The following PCDH11X variants were observed in gnomAD, a reference collection of about 807,000 sequenced individuals.
The protein encoded by PCDH11X is protocadherin-11 X-linked.
In PCDH11X, 18 loss-of-function variants were observed where a neutral mutation model predicts 53.3. The ratio of observed to expected loss-of-function variants is 0.34; its 90% CI spans 0.23 to 0.50. The LOEUF is 0.50. Ranked by LOEUF, PCDH11X falls within the 20% of genes least tolerant of loss-of-function variation. The pLI, the probability that PCDH11X is intolerant of heterozygous loss-of-function variation, is 0.98. For missense variants in PCDH11X, 570 were observed against 1,032.4 expected, an observed-to-expected ratio of 0.55 and a Z score of 6.14; for synonymous variants, 279 against 393.3, an observed-to-expected ratio of 0.71 and a Z score of 3.44.
At chrX:92,419,275 C>CTTTTTTTTTTTTTTTTTT (rs200748988) in intron 9 of PCDH11X, among the ~76,000 whole-genome samples, 1 of 88,931 alleles carries the variant, frequency 1.1e-5, no homozygotes, top group African/African-American at 4.1e-5. Flanking sequence ...TTTTTTTGTT[C>CTTTTTTTTTTTTTTTTTT]TTTTTTTTTT....
intron 6 of PCDH11X, among the ~76,000 whole-genome samples, chrX:91,910,580 T>G (rs761813516): frequency 1.8e-5 from 2 of 110,805 alleles, no homozygotes; most frequent in South Asian, 7.6e-4. Context: ...GATTGGTTTG[T>G]TTTTAGGCCA....
intron 6 of PCDH11X, among the ~76,000 whole-genome samples, chrX:91,929,365 A>C (rs555318409): frequency 9.0e-6 from 1 of 110,664 alleles, no homozygotes; most frequent in South Asian, 3.8e-4. Flanking sequence ...ACTATGTGCC[A>C]GGTACTAGTC....
intron 8 of PCDH11X, among the ~76,000 whole-genome samples, chrX:92,294,389 C>T (rs2068564488): frequency 9.0e-6 from 1 of 111,702 alleles, no homozygotes; most frequent in Non-Finnish European, 1.9e-5. Context: ...GCGACCCACC[C>T]ATCTCAGCCT....
chrX:91,860,313 T>C (rs1187436727), intron 5 of PCDH11X, among the ~76,000 whole-genome samples: 1 of 106,453 alleles, frequency 9.4e-6, no homozygotes, highest in Non-Finnish European at 1.9e-5. Context: ...TCCACACTGA[T>C]TTTGTATCCT....
intron 6 of PCDH11X, among the ~76,000 whole-genome samples, chrX:92,091,611 A>G (rs1168804643): frequency 4.5e-5 from 5 of 111,141 alleles, no homozygotes; most frequent in Non-Finnish European, 9.4e-5. Flanking sequence ...TAAGAAATAC[A>G]TTGGCTTGGT....
intron 6 of PCDH11X, among the ~76,000 whole-genome samples, chrX:91,969,922 T>C (rs1462774873): frequency 9.0e-6 from 1 of 110,619 alleles, no homozygotes; most frequent in African/African-American, 3.3e-5. Flanking sequence ...GTGACTTGGG[T>C]AATTTATTGA....
chrX:92,005,506 C>A (rs145791726), intron 6 of PCDH11X, among the ~76,000 whole-genome samples: 1 of 111,578 alleles, frequency 9.0e-6, no homozygotes, highest in African/African-American at 3.2e-5. Context: ...CAACTTTGCT[C>A]CCCCACTTTT....
chrX:92,206,597 G>C (rs1201590291), intron 7 of PCDH11X, among the ~76,000 whole-genome samples: 1 of 110,685 alleles, frequency 9.0e-6, no homozygotes, highest in Non-Finnish European at 1.9e-5. Context: ...CACTGTCTCG[G>C]CTCACTGTAA....
At chrX:91,780,601 C>T in intron 1 of PCDH11X, among the ~76,000 whole-genome samples, 1 of 112,519 alleles carries the variant, frequency 8.9e-6, no homozygotes, top group Non-Finnish European at 1.9e-5. Flanking sequence ...AAGACAGAAC[C>T]CAGAAACAGT....
chrX:92,259,462 G>C (rs1039294028), intron 7 of PCDH11X, among the ~76,000 whole-genome samples: 4 of 110,948 alleles, frequency 3.6e-5, no homozygotes, highest in Non-Finnish European at 7.5e-5. Flanking sequence ...CCAAGAGAGA[G>C]GGGAAGTTGC....
chrX:92,208,536 T>TATATATATATATATATATATAC (rs1408059749), intron 7 of PCDH11X, among the ~76,000 whole-genome samples: 50 of 80,057 alleles, frequency 6.2e-4, no homozygotes, highest in African/African-American at 2.4e-3. Context: ...TATATATATA[T>TATATATATATATATATATATAC]ACAATTTTTT....
chrX:92,284,365 G>A lies in PCDH11X; in HGVS notation c.3144+21222G>A, dbSNP rs191418543. On this transcript the variant is annotated intron_variant, in intron 8 of 10. Transcript: ENST00000682573. ...TAGAATAGAATGTGTGTGGGACTGT[G>A]TCCAGTTATTAGACATTATAAATTA... Among the ~76,000 whole-genome samples the A allele has an allele frequency of 6.3e-3, 694 of 109,703 alleles. 4 individuals carry two copies. Among genetic ancestry groups the A allele is most frequent in the African/African-American group, 0.022 (658 of 30,218 alleles).
chrX:92,506,216 C>CTTTTTTTTTTTTTTTT lies in PCDH11X; in HGVS notation c.3367+37901_3367+37916dup, dbSNP rs1180678297. The stretch of plus-strand genomic sequence containing the variant: ...ATTTGGATACATTTTCTTTTCTTTT[C>CTTTTTTTTTTTTTTTT]TTTTTTTTTTTTTTTTTTTTTTGCC... On this transcript the variant is annotated intron_variant, in intron 10 of 10. Coordinates refer to ENST00000682573, the MANE Select transcript of PCDH11X (RefSeq NM_032968.5). 7.3e-3 allele frequency among the ~76,000 whole-genome samples: 292 copies of CTTTTTTTTTTTTTTTT among 40,165 alleles called. 2 individuals carry two copies. The highest frequency in any genetic ancestry group is 0.026 in the Middle Eastern group (1 of 38). 34.9% of individuals were successfully genotyped at this position (40,165 alleles called of 115,157 possible).
intron 6 of PCDH11X, among the ~76,000 whole-genome samples, chrX:91,977,422 A>C (rs1287324388): frequency 8.9e-6 from 1 of 112,092 alleles, no homozygotes; most frequent in Non-Finnish European, 1.9e-5. Flanking sequence ...AATATGTTAA[A>C]GAAAGAAATA....
At chrX:92,277,115 G>T (rs1046537957) in intron 8 of PCDH11X, among the ~76,000 whole-genome samples, 12 of 109,968 alleles carry the variant, frequency 1.1e-4, no homozygotes, top group Non-Finnish European at 1.9e-4. Context: ...GGTCAGATGG[G>T]TCTGTAGAAA....
At chrX:92,002,702 G>A (rs1254259203) in intron 6 of PCDH11X, among the ~76,000 whole-genome samples, 1 of 106,722 alleles carries the variant, frequency 9.4e-6, no homozygotes, top group Non-Finnish European at 1.9e-5. Flanking sequence ...GGTCACTGTT[G>A]GTATATAGAA....
chrX:92,551,701 A>G (rs1422437746), intron 10 of PCDH11X, among the ~76,000 whole-genome samples: 1 of 110,785 alleles, frequency 9.0e-6, no homozygotes, highest in Non-Finnish European at 1.9e-5. Context: ...AGATTTAAAT[A>G]TTTAATCCAT....
At chrX:92,538,403 T>G (rs1050218492) in intron 10 of PCDH11X, among the ~76,000 whole-genome samples, 8 of 110,456 alleles carry the variant, frequency 7.2e-5, no homozygotes, top group Non-Finnish European at 1.5e-4. Flanking sequence ...ACTCCTGTCA[T>G]TTTCTTATTC....
rs1419869264 is a variant in PCDH11X at position 92,488,507 on chromosome X, C to T, written c.3367+20185C>T. Among the ~76,000 whole-genome samples the T allele has an allele frequency of 2.7e-5, 3 of 111,084 alleles. No homozygotes were observed. In the East Asian group the frequency reaches 8.5e-4, roughly 32 times the overall value. On this transcript the variant is annotated intron_variant, in intron 10 of 10. Coordinates refer to ENST00000682573, the MANE Select transcript of PCDH11X (RefSeq NM_032968.5). The stretch of plus-strand genomic sequence containing the variant: ...CTTACAAATATATACAAGACCTGGA[C>T]ATAATAACTAAGGTAGAATTTTTGA...
Sources: allele counts gnomAD v4.1 joint callset (sites outside exome capture counted in the v4.1 genomes callset), GRCh38; gene constraint gnomAD v4.1.1; transcripts MANE v1.5; gene names NCBI Gene and HGNC (gene_info 2026-07-23, HGNC 2026-07-21).